DLG2: variants seen among roughly 807,000 people sequenced by gnomAD.
The protein encoded by DLG2 is discs large MAGUK scaffold protein 2.
In DLG2, 45 loss-of-function variants were observed where a neutral mutation model predicts 132.5. The ratio of observed to expected loss-of-function variants is 0.34; its 90% CI spans 0.27 to 0.44. DLG2 has a LOEUF of 0.44. DLG2 is among the 20% of genes least tolerant of loss of function. DLG2 has a pLI of 1.00. For missense variants in DLG2, 1,045 were observed against 1,196.9 expected, an observed-to-expected ratio of 0.87 and a Z score of 1.87; for synonymous variants, 424 against 419.6, an observed-to-expected ratio of 1.01 and a Z score of -0.13.
At chr11:84,675,481 C>A (rs1055944120) in intron 6 of DLG2, among the ~76,000 whole-genome samples, 2 of 152,004 alleles carry the variant, frequency 1.3e-5, no homozygotes, top group African/African-American at 4.8e-5. Flanking sequence ...AAGTGGAATT[C>A]AGCCTTAAAA....
At chr11:83,636,258 A>G (rs919736210) in intron 18 of DLG2, among the ~76,000 whole-genome samples, 1 of 152,134 alleles carries the variant, frequency 6.6e-6, no homozygotes, top group Non-Finnish European at 1.5e-5. Context: ...TTCATCTTCC[A>G]TTAGACTGAG....
chr11:84,294,590 T>A (rs1400099497), intron 7 of DLG2, among the ~76,000 whole-genome samples: 3 of 152,212 alleles, frequency 2.0e-5, no homozygotes, highest in Admixed American at 6.5e-5. Flanking sequence ...AGTCTGAGAC[T>A]CTGTCTCAAA....
intron 7 of DLG2, among the ~76,000 whole-genome samples, chr11:84,452,369 T>A (rs1159949713): frequency 1.3e-5 from 2 of 151,606 alleles, no homozygotes; most frequent in Admixed American, 6.6e-5. Context: ...CAATCTGGCT[T>A]TTGCTATGAA....
At chr11:84,691,057 C>T (rs1467380736) in intron 6 of DLG2, among the ~76,000 whole-genome samples, 1 of 151,628 alleles carries the variant, frequency 6.6e-6, no homozygotes, top group African/African-American at 2.4e-5. Flanking sequence ...AAGGTTTTGC[C>T]CTTTCATCTT....
At chr11:83,825,488 T>C (rs1282987516) in intron 17 of DLG2, among the ~76,000 whole-genome samples, 3 of 152,092 alleles carry the variant, frequency 2.0e-5, no homozygotes, top group African/African-American at 7.2e-5. Flanking sequence ...GCCTAATTAC[T>C]GCTTTTCTTT....
At chr11:84,614,406 G>A (rs1164287164) in intron 6 of DLG2, among the ~76,000 whole-genome samples, 2 of 152,174 alleles carry the variant, frequency 1.3e-5, no homozygotes, top group Non-Finnish European at 2.9e-5. Flanking sequence ...ACTTGTGGAA[G>A]GGGCAATTAA....
At chr11:84,684,399 A>T (rs1225360055) in intron 6 of DLG2, among the ~76,000 whole-genome samples, 1 of 152,118 alleles carries the variant, frequency 6.6e-6, no homozygotes, top group Non-Finnish European at 1.5e-5. Context: ...ACACTCCAGA[A>T]ATTGAGTTTC....
intron 11 of DLG2, among the ~76,000 whole-genome samples, chr11:84,004,819 G>A (rs1431948337): frequency 2.6e-5 from 4 of 151,036 alleles, no homozygotes; most frequent in Non-Finnish European, 5.9e-5. Context: ...TGGGTTGAAA[G>A]AATTAACATA....
intron 9 of DLG2, among the ~76,000 whole-genome samples, chr11:84,119,619 G>C (rs2093808422): frequency 6.6e-6 from 1 of 151,926 alleles, no homozygotes; most frequent in Admixed American, 6.6e-5. Flanking sequence ...ACAGAAAAAA[G>C]CATCTTTATT....
At chr11:83,984,576 T>C (rs959009047) in intron 11 of DLG2, among the ~76,000 whole-genome samples, 1 of 152,162 alleles carries the variant, frequency 6.6e-6, no homozygotes, top group African/African-American at 2.4e-5. Flanking sequence ...CCTCATTCAT[T>C]TATTCATTCA....
intron 6 of DLG2, among the ~76,000 whole-genome samples, chr11:84,825,699 T>C (rs774347559): frequency 1.3e-4 from 20 of 151,936 alleles, no homozygotes; most frequent in Admixed American, 2.0e-4. Flanking sequence ...TTCAGCATCA[T>C]TGTTGTTTCA....
At chr11:83,986,932 T>C (rs1055872293) in intron 11 of DLG2, among the ~76,000 whole-genome samples, 2 of 152,184 alleles carry the variant, frequency 1.3e-5, no homozygotes, top group African/African-American at 4.8e-5. Flanking sequence ...GTAAATTTGT[T>C]TGAGTTCATT....
At chr11:83,825,100 T>C (rs1212373830) in intron 17 of DLG2, among the ~76,000 whole-genome samples, 5 of 146,344 alleles carry the variant, frequency 3.4e-5, no homozygotes, top group African/African-American at 7.5e-5. Context: ...TATATACACA[T>C]ATATATAGAC....
In DLG2 at chr11:85,301,655, T is replaced by C. The variant is rs183290982; in HGVS notation, c.41-16290A>G. Among the ~76,000 whole-genome samples the C allele has an allele frequency of 1.4e-4, 21 of 152,248 alleles. 1 individual carries two copies. The highest frequency in any genetic ancestry group is 4.1e-4 in the African/African-American group (17 of 41,556). ...GGCTTCTCCAAGAACACAAAGCCAG[T>C]AGTGGCTGAACCAGGACTTGAATCT... On this transcript the variant is annotated intron_variant, in intron 3 of 27. Transcript: ENST00000376104.
chr11:84,231,442 G>C (rs929685966), intron 8 of DLG2, among the ~76,000 whole-genome samples: 1 of 152,144 alleles, frequency 6.6e-6, no homozygotes, highest in Non-Finnish European at 1.5e-5. Flanking sequence ...TACAGAAATG[G>C]GGAAGTGCTT....
At chr11:83,894,049 T>TTTATCCC (rs1394562531) in intron 15 of DLG2, among the ~76,000 whole-genome samples, 1 of 152,226 alleles carries the variant, frequency 6.6e-6, no homozygotes, top group African/African-American at 2.4e-5. Context: ...TTAGCCAATG[T>TTTATCCC]TTACTGAGCA....
chr11:84,919,936 TG>T (rs2092680361), intron 6 of DLG2, among the ~76,000 whole-genome samples: 1 of 152,188 alleles, frequency 6.6e-6, no homozygotes, highest in South Asian at 2.1e-4. Flanking sequence ...AATTGTATTT[TG>T]TAAAACTAAA....
At chr11:84,068,945 T>C (rs1455139011) in intron 10 of DLG2, among the ~76,000 whole-genome samples, 2 of 152,178 alleles carry the variant, frequency 1.3e-5, no homozygotes, top group Non-Finnish European at 2.9e-5. Flanking sequence ...ACTTCTCTGG[T>C]TTGTTAAAAA....
chr11:84,367,472 C>T (rs969246753), intron 7 of DLG2, among the ~76,000 whole-genome samples: 1 of 152,040 alleles, frequency 6.6e-6, no homozygotes, highest in Non-Finnish European at 1.5e-5. Flanking sequence ...TTTGAAGTCT[C>T]GACGGCTGTG....
Sources: allele counts gnomAD v4.1 joint callset (sites outside exome capture counted in the v4.1 genomes callset), GRCh38; gene constraint gnomAD v4.1.1; transcripts MANE v1.5; gene names NCBI Gene and HGNC (gene_info 2026-07-23, HGNC 2026-07-21).